The following MGST1 variants were observed in gnomAD, a reference collection of about 807,000 sequenced individuals.
The protein encoded by MGST1 is glutathione S-transferase 12.
A neutral mutation model predicts 8.9 loss-of-function variants in MGST1; 5 were observed. The observed-to-expected ratio is 0.56, with a 90% CI of 0.29 to 1.19. The LOEUF (loss-of-function observed/expected upper bound fraction) is 1.19, where lower values mean the gene tolerates loss of function less well. MGST1 is among the 50% of genes most tolerant of loss of function. The pLI is 0.08. For synonymous variants in MGST1, 54 were observed against 67.8 expected, an observed-to-expected ratio of 0.80 and a Z score of 1.00; for missense variants, 182 against 187.4, an observed-to-expected ratio of 0.97 and a Z score of 0.17.
intron 4 of MGST1, among the ~76,000 whole-genome samples, chr12:16,507,038 G>T (rs1941542506): frequency 6.6e-6 from 1 of 152,136 alleles, no homozygotes; most frequent in African/African-American, 2.4e-5. Flanking sequence ...TCCTATACTT[G>T]CTGTAACCAC....
intron 4 of MGST1, among the ~76,000 whole-genome samples, chr12:16,502,240 C>T (rs1207823584): frequency 6.6e-6 from 1 of 152,114 alleles, no homozygotes; most frequent in Non-Finnish European, 1.5e-5. Context: ...TGATCAATTT[C>T]TATAGAGTCA....
chr12:16,497,400 C>A lies in MGST1; in HGVS notation n.483-92128C>A, dbSNP rs1398212565. On this transcript the variant is annotated intron_variant and non_coding_transcript_variant, in intron 4 of 4. Coordinates refer to the MGST1 transcript ENST00000538857. The surrounding 1 kb of genome is among the most constrained non-coding windows in gnomAD (Gnocchi z 4.4). Reference sequence around the variant, plus strand: ...GCAAATGGAAAAGGAGCAAAAAGCTCATTAAAGCAATGATCTGAAATCTAG... The same window carrying A: ...GCAAATGGAAAAGGAGCAAAAAGCTAATTAAAGCAATGATCTGAAATCTAG... Among the ~76,000 whole-genome samples the A allele has an allele frequency of 6.6e-6, 1 of 152,052 alleles. No individual in the cohort carries two copies. Among genetic ancestry groups the A allele is most frequent in the Admixed American group, 6.6e-5 (1 of 15,232 alleles).
intron 4 of MGST1, among the ~76,000 whole-genome samples, chr12:16,485,015 G>A (rs1372589526): frequency 6.6e-6 from 1 of 152,022 alleles, no homozygotes; most frequent in African/African-American, 2.4e-5. Context: ...CATCAAAATC[G>A]TTCTTGCTAC....
intron 4 of MGST1, among the ~76,000 whole-genome samples, chr12:16,486,684 T>C (rs1227352651): frequency 6.6e-6 from 1 of 152,172 alleles, no homozygotes; most frequent in Non-Finnish European, 1.5e-5. Flanking sequence ...CATGAAGAAT[T>C]CTGTGAAAAC....
intron 4 of MGST1, among the ~76,000 whole-genome samples, chr12:16,512,773 T>C (rs1405396804): frequency 6.6e-6 from 1 of 152,246 alleles, no homozygotes; most frequent in Non-Finnish European, 1.5e-5. Flanking sequence ...TTCTTGCCAA[T>C]GAGGGCAATT....
rs931552426 is a variant in MGST1, at chr12:16,555,942, G to C, written n.483-33586G>C. Reference sequence around the variant, plus strand: ...TGATGCTTCCCTAACACTTCAAGAAGGATGGCTCTCTCTTCCCTCAGTATA... The same window carrying C: ...TGATGCTTCCCTAACACTTCAAGAACGATGGCTCTCTCTTCCCTCAGTATA... On this transcript the variant is annotated intron_variant and non_coding_transcript_variant, in intron 4 of 4. Coordinates refer to the MGST1 transcript ENST00000538857. The surrounding 1 kb of genome is among the most constrained non-coding windows in gnomAD (Gnocchi z 5.5). 2.0e-5 allele frequency among the ~76,000 whole-genome samples: 3 copies of C among 151,920 alleles called. No individual in the cohort carries two copies. The highest frequency in any genetic ancestry group is 7.3e-5 in the African/African-American group (3 of 41,354).
At position 16,494,042 on chromosome 12, in the gene MGST1, T is replaced by C. The variant is rs142985250; in HGVS notation, n.483-95486T>C. 9.5e-4 allele frequency among the ~76,000 whole-genome samples: 144 copies of C among 152,302 alleles called. 1 individual carries two copies. The highest frequency in any genetic ancestry group is 1.9e-3 in the Non-Finnish European group (128 of 68,010). On this transcript the variant is annotated intron_variant and non_coding_transcript_variant, in intron 4 of 4. Coordinates refer to the MGST1 transcript ENST00000538857. ...GGGTGACTTTTTTCAACTGGCTTAA[T>C]GCTGGATACTGTGTCGTCAAGGTAA... is the stretch of plus-strand genomic sequence containing the variant.
intron 1 of MGST1, among the ~76,000 whole-genome samples, chr12:16,428,676 A>G (rs1191202371): frequency 1.3e-5 from 2 of 151,874 alleles, no homozygotes; most frequent in South Asian, 2.1e-4. Context: ...GTCATTTAGT[A>G]TTATTGGTTT....
intron 4 of MGST1, among the ~76,000 whole-genome samples, chr12:16,522,941 T>C (rs1941658089): frequency 1.3e-5 from 2 of 152,048 alleles, no homozygotes; most frequent in South Asian, 4.1e-4. Context: ...GGCAATATTG[T>C]ATTAAATGTT....
Position 16,425,953 on chromosome 12 carries a change from C to A in MGST1, n.779-11435C>A, listed in dbSNP as rs1380193054. On this transcript the variant is annotated intron_variant and non_coding_transcript_variant, in intron 1 of 1. Transcript: ENST00000359720. ...TCACTTTCATTTGTTTTTTTCCATT[C>A]CATGTTTTCTGTCACTGATAAGTTT... is the stretch of plus-strand genomic sequence containing the variant. Among the ~76,000 whole-genome samples, 4 of 152,180 alleles carry A rather than the reference C, an allele frequency of 2.6e-5. No homozygotes were observed. In the East Asian group the frequency reaches 7.7e-4, roughly 29 times the overall value.
chr12:16,565,228 A>AT (rs1289783564), intron 4 of MGST1, among the ~76,000 whole-genome samples: 2 of 152,218 alleles, frequency 1.3e-5, no homozygotes, highest in Non-Finnish European at 2.9e-5. Context: ...AATTGAAAAG[A>AT]TTTTTAACTT....
intron 1 of MGST1, among the ~76,000 whole-genome samples, chr12:16,386,976 G>C (rs1940509186): frequency 6.6e-6 from 1 of 152,146 alleles, no homozygotes; most frequent in South Asian, 2.1e-4. Flanking sequence ...TGCAGTGTTT[G>C]TGTTCATGTA....
chr12:16,590,776 C>T (rs1029698427), downstream of MGST1, among the ~76,000 whole-genome samples: 4 of 151,902 alleles, frequency 2.6e-5, no homozygotes, highest in African/African-American at 4.8e-5. Context: ...TATTAATAGA[C>T]GAATGTAGAT....
chr12:16,556,574 G>A (rs1473308110), intron 4 of MGST1, among the ~76,000 whole-genome samples: 4 of 152,160 alleles, frequency 2.6e-5, no homozygotes, highest in Admixed American at 2.6e-4. Context: ...AACTTTAGAC[G>A]TCAATAAAGT....
At chr12:16,454,902 A>AAAAAAAAAAAAAAAAAAAAAAAG (rs1555104768) in intron 4 of MGST1, among the ~76,000 whole-genome samples, 7 of 125,996 alleles carry the variant, frequency 5.6e-5, no homozygotes, top group African/African-American at 2.3e-4. Context: ...AAAAAAAAAA[A>AAAAAAAAAAAAAAAAAAAAAAAG]AAGGAGATGG....
At position 16,432,679 on chromosome 12, in the gene MGST1, GACACACACACACACAC is replaced by G. The variant is rs36054419; in HGVS notation, n.779-4671_779-4656del. Among the ~76,000 whole-genome samples the G allele has an allele frequency of 8.7e-3, 1,086 of 124,384 alleles. 7 individuals are homozygous for G. Among genetic ancestry groups the G allele is most frequent in the African/African-American group, 0.023 (788 of 33,668 alleles). The allele number at this position is 124,384 out of a possible 152,430, so 81.6% of individuals were successfully genotyped here. ...TCGCAAATCTCTCCTCTCTCTCTCT[GACACACACACACACAC>G]ACACACACACACACACACACACACA... is the stretch of plus-strand genomic sequence containing the variant. On this transcript the variant is annotated intron_variant and non_coding_transcript_variant, in intron 1 of 1. Coordinates refer to the MGST1 transcript ENST00000359720.
At chr12:16,445,919 A>T (rs1309268487) in intron 4 of MGST1, among the ~76,000 whole-genome samples, 2 of 151,972 alleles carry the variant, frequency 1.3e-5, no homozygotes, top group Admixed American at 6.6e-5. Context: ...TTAGTTTCAG[A>T]TCTTTCTACT....
rs143197224 is a variant in MGST1, at chr12:16,576,650, G to A, written n.483-12878G>A. Among the ~76,000 whole-genome samples the A allele has an allele frequency of 5.2e-3, 784 of 152,094 alleles. 8 individuals carry two copies. Among genetic ancestry groups the A allele is most frequent in the African/African-American group, 0.018 (763 of 41,484 alleles). On this transcript the variant is annotated intron_variant and non_coding_transcript_variant, in intron 4 of 4. Transcript: ENST00000538857. The surrounding 1 kb of genome is among the most constrained non-coding windows in gnomAD (Gnocchi z 4.1). ...GAAAACTTGCCTTCTCCTTTACTCT[G>A]CACCTAACACATGTGATGTTCATAT... is the stretch of plus-strand genomic sequence containing the variant.
rs1480201949 is a variant in MGST1, at chr12:16,513,604, G to A, written n.483-75924G>A. ...AGTTAGTGCCTACAGGGACCACAAC[G>A]GAAAGCCTTACAGCATCCACAAGGC... On this transcript the variant is annotated intron_variant and non_coding_transcript_variant, in intron 4 of 4. Coordinates refer to the MGST1 transcript ENST00000538857. This position sits in a 1 kb window ranked among gnomAD's most constrained non-coding sequence, Gnocchi z 4.2. 2 of 494,384 alleles carry A rather than the reference G, an allele frequency of 4.0e-6. No individual in the cohort carries two copies. The highest frequency in any genetic ancestry group is 8.2e-6 in the Non-Finnish European group (2 of 242,472). The allele number at this position is 494,384 out of a possible 1,614,324, so 30.6% of individuals were successfully genotyped here. A position where few individuals can be genotyped will look rare whatever the true frequency, so the allele number is the denominator to read the frequency against.
Sources: gnomAD v4.1 joint callset for allele counts (sites outside exome capture counted in the v4.1 genomes callset) on GRCh38, gnomAD v4.1.1 for gene constraint, Gnocchi (gnomAD v3.1) non-coding constraint, MANE v1.5 for transcripts, NCBI Gene and HGNC (gene_info 2026-07-23, HGNC 2026-07-21) for gene names.